LPP: variants seen among roughly 807,000 people sequenced by gnomAD.
LPP encodes the protein lipoma-preferred partner.
LPP carries 38 observed loss-of-function variants against 60.4 expected under a neutral mutation model. That is an observed-to-expected ratio of 0.63 (90% CI 0.49 to 0.83). LPP has a LOEUF of 0.83. LPP is among the 40% of genes least tolerant of loss of function. The probability of loss-of-function intolerance (pLI) is 0.00; values close to 1 mark genes in which losing one functional copy is unlikely to be tolerated. For missense variants in LPP, 902 were observed against 783.6 expected (o/e 1.15, Z -1.80); for synonymous variants, 328 against 290.8 (o/e 1.13, Z -1.30).
intron 2 of LPP, among the ~76,000 whole-genome samples, chr3:188,318,366 G>C (rs1755728426): frequency 6.7e-6 from 1 of 149,906 alleles, no homozygotes; most frequent in Non-Finnish European, 1.5e-5. Context: ...ATGACACTCA[G>C]TACCTTTGTT....
chr3:188,253,342 T>A (rs1730586736), intron 2 of LPP, among the ~76,000 whole-genome samples: 1 of 152,254 alleles, frequency 6.6e-6, no homozygotes, highest in African/African-American at 2.4e-5. Flanking sequence ...ACCCGTGTTA[T>A]CTGCATGTTA....
chr3:188,448,976 G>C (rs1207834179), intron 4 of LPP, among the ~76,000 whole-genome samples: 2 of 152,036 alleles, frequency 1.3e-5, no homozygotes, highest in African/African-American at 4.8e-5. Flanking sequence ...TTCTACTTGA[G>C]GGCCTTTCGT....
At chr3:188,181,025 TGTC>T (rs1376835123) in intron 1 of LPP, among the ~76,000 whole-genome samples, 1 of 152,080 alleles carries the variant, frequency 6.6e-6, no homozygotes, top group Non-Finnish European at 1.5e-5. Flanking sequence ...GAGAACATGT[TGTC>T]TCTGGAGAAA....
At chr3:188,637,659 C>T in intron 7 of LPP, among the ~76,000 whole-genome samples, 1 of 151,882 alleles carries the variant, frequency 6.6e-6, no homozygotes, top group Admixed American at 6.6e-5. Flanking sequence ...CAAATAGATG[C>T]AATAAAAAAT....
At chr3:188,521,255 A>T in intron 5 of LPP, among the ~76,000 whole-genome samples, 1 of 152,318 alleles carries the variant, frequency 6.6e-6, no homozygotes, top group East Asian at 1.9e-4. Context: ...CTTGTGATAA[A>T]TTGCATCAAC....
At chr3:188,240,690 G>A (rs1203866950) in intron 2 of LPP, among the ~76,000 whole-genome samples, 1 of 152,134 alleles carries the variant, frequency 6.6e-6, no homozygotes, top group Non-Finnish European at 1.5e-5. Context: ...GGCTGCTCAG[G>A]TGGGATAACA....
chr3:188,502,549 A>G (rs1812224735), intron 5 of LPP, among the ~76,000 whole-genome samples: 1 of 152,146 alleles, frequency 6.6e-6, no homozygotes. Context: ...ATGTGTTTTA[A>G]TTTATTCTGC....
At chr3:188,853,726 A>G (rs1006124462) in intron 9 of LPP, among the ~76,000 whole-genome samples, 3 of 152,296 alleles carry the variant, frequency 2.0e-5, no homozygotes, top group East Asian at 1.9e-4. Context: ...TCCATCTACA[A>G]TCTTTCTTTC....
chr3:188,353,463 G>C (rs1766561388), intron 3 of LPP, among the ~76,000 whole-genome samples: 1 of 152,052 alleles, frequency 6.6e-6, no homozygotes, highest in African/African-American at 2.4e-5. Flanking sequence ...CCAATACACT[G>C]TCTATTATTA....
Position 188,187,290 on chromosome 3 carries a change from G to T in LPP, c.-190+33038G>T, listed in dbSNP as rs558522644. On this transcript the variant is annotated intron_variant, in intron 1 of 11. Transcript: ENST00000617246. Reference sequence around the variant, plus strand: ...AATACAGGGCTAAGTCATGTGCTGTGGTTTCATTTCCTTTTCTGGGGTTCT... The same window carrying T: ...AATACAGGGCTAAGTCATGTGCTGTTGTTTCATTTCCTTTTCTGGGGTTCT... Among the ~76,000 whole-genome samples, 4 of 152,106 alleles carry T rather than the reference G, an allele frequency of 2.6e-5. No homozygotes were observed. The South Asian group carries it at 8.3e-4, about 32-fold the overall frequency.
intron 6 of LPP, among the ~76,000 whole-genome samples, chr3:188,608,437 A>C (rs962842250): frequency 6.6e-6 from 1 of 152,194 alleles, no homozygotes; most frequent in East Asian, 1.9e-4. Context: ...AATTTTCTTT[A>C]CCTATCATCT....
intron 3 of LPP, among the ~76,000 whole-genome samples, chr3:188,355,279 T>A (rs905749971): frequency 6.6e-6 from 1 of 152,150 alleles, no homozygotes; most frequent in Admixed American, 6.5e-5. Context: ...AGTGCTGGGA[T>A]TACAGGCGTG....
intron 3 of LPP, among the ~76,000 whole-genome samples, chr3:188,363,505 C>T (rs1770139250): frequency 6.6e-6 from 1 of 152,200 alleles, no homozygotes; most frequent in African/African-American, 2.4e-5. Flanking sequence ...ATCAAGGCAG[C>T]TCAGGTCCCT....
intron 2 of LPP, among the ~76,000 whole-genome samples, chr3:188,240,921 A>G (rs1030083170): frequency 6.6e-6 from 1 of 152,204 alleles, no homozygotes; most frequent in African/African-American, 2.4e-5. Flanking sequence ...CAGTTAGGGA[A>G]CATTTTGTGG....
chr3:188,179,101 AG>A (rs1724064745), intron 1 of LPP: 1 of 347,144 alleles, frequency 2.9e-6, no homozygotes, highest in African/African-American at 2.2e-5. Flanking sequence ...AGACAGAGAG[AG>A]AGAGAGAGAG....
rs1345546858 is a variant in LPP, at chr3:188,572,289, C to A, written c.430-36872C>A. Reference sequence around the variant, plus strand: ...TGTAATATATATTCTAACGACAAAGCCCTATGTTATAATTTAAATGGTAGT... The same window carrying A: ...TGTAATATATATTCTAACGACAAAGACCTATGTTATAATTTAAATGGTAGT... On this transcript the variant is annotated intron_variant, in intron 6 of 11. Transcript: ENST00000617246. This position sits in a 1 kb window ranked among gnomAD's most constrained non-coding sequence, Gnocchi z 4.1. 1.3e-5 allele frequency among the ~76,000 whole-genome samples: 2 copies of A among 151,858 alleles called. No homozygotes were observed. The highest frequency in any genetic ancestry group is 2.4e-5 in the African/African-American group (1 of 41,356).
intron 3 of LPP, among the ~76,000 whole-genome samples, chr3:188,372,373 A>G (rs1479663553): frequency 2.0e-5 from 3 of 152,176 alleles, no homozygotes; most frequent in Admixed American, 2.0e-4. Context: ...CTTCAATCCA[A>G]TTAGTAAGAA....
chr3:188,396,160 A>G (rs1193815809), intron 3 of LPP, among the ~76,000 whole-genome samples: 1 of 152,144 alleles, frequency 6.6e-6, no homozygotes, highest in East Asian at 1.9e-4. Context: ...GTTCACAGTC[A>G]CAAGCAGTGT....
At chr3:188,853,177 G>A (rs1763071401) in intron 9 of LPP, among the ~76,000 whole-genome samples, 1 of 152,084 alleles carries the variant, frequency 6.6e-6, no homozygotes. Context: ...AGCATTAGAA[G>A]TCAGGCAGCA....
Sources: allele counts gnomAD v4.1 joint callset (sites outside exome capture counted in the v4.1 genomes callset), GRCh38; gene constraint gnomAD v4.1.1; non-coding constraint Gnocchi (gnomAD v3.1); transcripts MANE v1.5; gene names NCBI Gene and HGNC (gene_info 2026-07-23, HGNC 2026-07-21).